Variants in ROBO2 observed in about 807,000 individuals in gnomAD.
The protein encoded by ROBO2 is roundabout homolog 2.
In ROBO2, 53 loss-of-function variants were observed where a neutral mutation model predicts 160.8. That is an observed-to-expected ratio of 0.33 (90% CI 0.26 to 0.41). The LOEUF (loss-of-function observed/expected upper bound fraction) is 0.41. Ranked by LOEUF, ROBO2 falls within the 10% of genes least tolerant of loss-of-function variation. The pLI is 1.00. For missense variants in ROBO2, 1,577 were observed against 1,722.4 expected, an observed-to-expected ratio of 0.92 and a Z score of 1.49; for synonymous variants, 664 against 611.7, an observed-to-expected ratio of 1.09 and a Z score of -1.26.
intron 2 of ROBO2, among the ~76,000 whole-genome samples, chr3:76,306,699 T>C (rs149349572): frequency 6.6e-6 from 1 of 152,212 alleles, no homozygotes; most frequent in Non-Finnish European, 1.5e-5. Context: ...AGCATTTTGA[T>C]AACAGGGACT....
exon 13 of ROBO2, chr3:77,568,381 C>A: frequency 6.2e-7 from 1 of 1,612,976 alleles, no homozygotes. Context: ...TGTCCTTGTC[C>A]GTCTTCATAA....
At chr3:76,524,826 TAAAAAAAAAAAAAAAAAAAAAA>T (rs58091252) in intron 2 of ROBO2, among the ~76,000 whole-genome samples, 85 of 21,740 alleles carry the variant, frequency 3.9e-3, no homozygotes, top group Admixed American at 0.014. Context: ...CTCTTATTCC[TAAAAAAAAAAAAAAAAAAAAAA>T]AAAAAAAAAA....
chr3:76,900,214 A>G (rs181318427), intron 2 of ROBO2, among the ~76,000 whole-genome samples: 17 of 152,178 alleles, frequency 1.1e-4, no homozygotes, highest in Non-Finnish European at 2.5e-4. Context: ...TTCATCTCCC[A>G]CCAGGTCCCT....
chr3:76,358,615 A>C (rs1357453072), intron 2 of ROBO2, among the ~76,000 whole-genome samples: 2 of 152,024 alleles, frequency 1.3e-5, no homozygotes, highest in African/African-American at 4.8e-5. Context: ...TTAGATTCAA[A>C]TGATAGCTGG....
intron 2 of ROBO2, among the ~76,000 whole-genome samples, chr3:77,252,831 A>AAAAAAAATATATATAT: frequency 8.0e-5 from 1 of 12,518 alleles, no homozygotes; most frequent in African/African-American, 1.6e-4. Context: ...AAAAAAAAAA[A>AAAAAAAATATATATAT]ATATATATAT....
chr3:77,325,861 T>TC lies in ROBO2; in HGVS notation c.389-151551dup, dbSNP rs1427522559. On this transcript the variant is annotated intron_variant, in intron 2 of 25. Coordinates refer to ENST00000461745, the Ensembl canonical transcript of ROBO2. ...CCTCATTTGACAGTACAGATTATACTCCTGGAAGATGGAAAAGCTGGGACG... is the reference window on the plus strand; with the variant it reads ...CCTCATTTGACAGTACAGATTATACTCCCTGGAAGATGGAAAAGCTGGGACG... Among the ~76,000 whole-genome samples the TC allele has an allele frequency of 6.6e-5, 10 of 152,294 alleles. No individual in the cohort carries two copies. In the East Asian group the frequency reaches 1.5e-3, roughly 24 times the overall value.
At chr3:75,970,548 G>A (rs1213164003) in intron 2 of ROBO2, among the ~76,000 whole-genome samples, 1 of 151,512 alleles carries the variant, frequency 6.6e-6, no homozygotes, top group Non-Finnish European at 1.5e-5. Flanking sequence ...GTGGGGGAAG[G>A]AAAGATAATT....
chr3:76,085,920 G>T (rs992980119), intron 2 of ROBO2, among the ~76,000 whole-genome samples: 5 of 152,142 alleles, frequency 3.3e-5, no homozygotes, highest in Non-Finnish European at 5.9e-5. Flanking sequence ...CTTCTGGCAG[G>T]GAGAGGGATA....
At chr3:76,152,553 C>G (rs2072252490) in intron 2 of ROBO2, among the ~76,000 whole-genome samples, 1 of 151,800 alleles carries the variant, frequency 6.6e-6, no homozygotes, top group African/African-American at 2.4e-5. Flanking sequence ...CTAATGTGTG[C>G]ATTTGTGTTA....
At chr3:77,582,449 A>G (rs2093945650) in intron 16 of ROBO2, among the ~76,000 whole-genome samples, 1 of 152,076 alleles carries the variant, frequency 6.6e-6, no homozygotes, top group South Asian at 2.1e-4. Context: ...TCAGAATGTT[A>G]TTATTAATGT....
intron 2 of ROBO2, among the ~76,000 whole-genome samples, chr3:76,919,954 T>C (rs1238093237): frequency 6.6e-6 from 1 of 152,210 alleles, no homozygotes; most frequent in Admixed American, 6.5e-5. Context: ...ATGCACCTAT[T>C]TACTTCACTC....
intron 2 of ROBO2, among the ~76,000 whole-genome samples, chr3:76,979,519 A>G (rs2059982864): frequency 6.6e-6 from 1 of 151,918 alleles, no homozygotes; most frequent in Non-Finnish European, 1.5e-5. Context: ...CGCCAGTTCC[A>G]TTCATGTTGC....
At chr3:76,219,580 T>C (rs1408633348) in intron 2 of ROBO2, among the ~76,000 whole-genome samples, 2 of 152,188 alleles carry the variant, frequency 1.3e-5, no homozygotes, top group South Asian at 2.1e-4. Context: ...AAAAAAATGC[T>C]CATCTTCACT....
At chr3:76,657,878 G>A (rs2091640043) in intron 2 of ROBO2, among the ~76,000 whole-genome samples, 1 of 148,080 alleles carries the variant, frequency 6.8e-6, no homozygotes, top group Non-Finnish European at 1.5e-5. Context: ...ATATATGTGT[G>A]TGTGTGTATA....
chr3:77,325,304 T>C (rs1290491833), intron 2 of ROBO2, among the ~76,000 whole-genome samples: 1 of 152,220 alleles, frequency 6.6e-6, no homozygotes, highest in African/African-American at 2.4e-5. Context: ...TTTTGAACTC[T>C]GAGAGCCACC....
chr3:76,262,812 A>G (rs1164285525), intron 2 of ROBO2, among the ~76,000 whole-genome samples: 1 of 152,182 alleles, frequency 6.6e-6, no homozygotes, highest in Non-Finnish European at 1.5e-5. Flanking sequence ...GAGAATAATC[A>G]GGACTTTGGG....
intron 2 of ROBO2, among the ~76,000 whole-genome samples, chr3:77,186,199 CAGTGTCAT>C (rs914993686): frequency 1.3e-5 from 2 of 151,024 alleles, no homozygotes; most frequent in African/African-American, 4.9e-5. Flanking sequence ...TTTTTTAAGT[CAGTGTCAT>C]AGGAATAGGA....
intron 1 of ROBO2, among the ~76,000 whole-genome samples, chr3:77,054,936 G>GTGTA (rs10685564): frequency 0.51 from 77,192 of 151,112 alleles, 23,083 homozygotes; most frequent in Middle Eastern, 0.69. Context: ...GTATGTGTGT[G>GTGTA]TGTGTGTGTG....
At chr3:77,541,859 C>CAT (rs2092477668) in intron 6 of ROBO2, among the ~76,000 whole-genome samples, 1 of 152,084 alleles carries the variant, frequency 6.6e-6, no homozygotes, top group Non-Finnish European at 1.5e-5. Context: ...TTATAACAGG[C>CAT]ATATTCTTCT....
Sources: allele counts gnomAD v4.1 joint callset (sites outside exome capture counted in the v4.1 genomes callset), GRCh38; gene constraint gnomAD v4.1.1; transcripts MANE v1.5; gene names NCBI Gene and HGNC (gene_info 2026-07-23, HGNC 2026-07-21).